The following NME5 variants were observed in gnomAD, a reference collection of about 807,000 sequenced individuals.
NME5 encodes the protein NME/NM23 family member 5, also known as nucleoside diphosphate kinase 5.
A neutral mutation model predicts 21.6 loss-of-function variants in NME5; 18 were observed. The ratio of observed to expected loss-of-function variants is 0.83; its 90% CI spans 0.58 to 1.24. The LOEUF (loss-of-function observed/expected upper bound fraction) is 1.24. NME5 is among the 50% of genes most tolerant of loss of function. The pLI, the probability that NME5 is intolerant of heterozygous loss-of-function variation, is 0.00. For synonymous variants in NME5, 70 were observed against 80.6 expected, an observed-to-expected ratio of 0.87 and a Z score of 0.71; for missense variants, 223 against 255.4, an observed-to-expected ratio of 0.87 and a Z score of 0.86.
chr5:138,123,514 G>T (rs1291132847), intron 4 of NME5, among the ~76,000 whole-genome samples: 6 of 151,998 alleles, frequency 3.9e-5, no homozygotes, highest in Non-Finnish European at 8.8e-5. Context: ...TGTCCTCCAG[G>T]TTCATCCATG....
intron 4 of NME5, among the ~76,000 whole-genome samples, chr5:138,122,441 T>TAAAAAAAAAAAAAAAAA (rs70979581): frequency 0.058 from 1,987 of 34,464 alleles, 78 homozygotes; most frequent in Non-Finnish European, 0.072. Context: ...ACTCTGTCTC[T>TAAAAAAAAAAAAAAAAA]AAAAAAAAAA....
At chr5:138,130,839 C>A (rs1289351943) in intron 2 of NME5, among the ~76,000 whole-genome samples, 1 of 151,818 alleles carries the variant, frequency 6.6e-6, no homozygotes, top group Non-Finnish European at 1.5e-5. Flanking sequence ...GGCAGGCCAA[C>A]AGCTTGAACC....
intron 2 of NME5, among the ~76,000 whole-genome samples, chr5:138,132,096 A>G (rs1028841715): frequency 1.3e-5 from 2 of 152,202 alleles, no homozygotes; most frequent in African/African-American, 4.8e-5. Context: ...TCGGTGGCTC[A>G]TGCCTCTAAT....
intron 2 of NME5, among the ~76,000 whole-genome samples, chr5:138,131,290 A>G (rs796722923): frequency 3.3e-5 from 5 of 150,144 alleles, no homozygotes; most frequent in African/African-American, 1.2e-4. Context: ...CTGAGGCAGG[A>G]GAATCACTTG....
chr5:138,139,311 C>G (rs922519688), intron 1 of NME5, 60 bp downstream of exon 1: 1 of 964,226 alleles, frequency 1.0e-6, no homozygotes, highest in African/African-American at 1.8e-5. Flanking sequence ...CCTCTAGGTC[C>G]GCGGGGACTT....
chr5:138,120,139 A>T (rs777350544), intron 4 of NME5, among the ~76,000 whole-genome samples: 7 of 148,146 alleles, frequency 4.7e-5, no homozygotes, highest in Non-Finnish European at 8.9e-5. Context: ...GGTGTCACTC[A>T]CGCTGGTCTC....
intron 2 of NME5, among the ~76,000 whole-genome samples, chr5:138,136,729 G>A (rs779493289): frequency 4.0e-5 from 6 of 151,454 alleles, no homozygotes; most frequent in East Asian, 1.9e-4. Flanking sequence ...GGCAACCTCC[G>A]CCTCCCATGT....
intron 2 of NME5, among the ~76,000 whole-genome samples, chr5:138,130,835 C>G (rs1335654998): frequency 1.3e-5 from 2 of 151,528 alleles, no homozygotes; most frequent in East Asian, 3.9e-4. Context: ...CTGAGGCAGG[C>G]CAACAGCTTG....
At chr5:138,129,818 C>G (rs1751518922) in intron 2 of NME5, among the ~76,000 whole-genome samples, 1 of 152,108 alleles carries the variant, frequency 6.6e-6, no homozygotes, top group South Asian at 2.1e-4. Flanking sequence ...ATTAGCCGGG[C>G]GGGCGGCATG....
intron 4 of NME5, among the ~76,000 whole-genome samples, chr5:138,123,528 TC>T (rs1751332854): frequency 6.6e-6 from 1 of 152,216 alleles, no homozygotes; most frequent in Admixed American, 6.5e-5. Flanking sequence ...ATCCATGTTG[TC>T]AAAAATGACA....
chr5:138,125,171 C>T (rs1751369912), intron 4 of NME5, among the ~76,000 whole-genome samples: 1 of 152,176 alleles, frequency 6.6e-6, no homozygotes. Flanking sequence ...ATTCTCCCGC[C>T]TCAGCCTCAC....
At chr5:138,131,732 G>A (rs1466554384) in intron 2 of NME5, among the ~76,000 whole-genome samples, 1 of 151,318 alleles carries the variant, frequency 6.6e-6, no homozygotes, top group Admixed American at 6.6e-5. Context: ...GCTATTTTGA[G>A]TGCTTTTTTT....
Position 138,118,848 on chromosome 5 carries a change from C to G in NME5, c.525G>C (p.Glu175Asp), listed in dbSNP as rs1435478734. ...IMPTLLEGLT[E>D]LCKQKPADPL... ...GATCTGCTGGTTTTTGCTTACAAAGCTCTGTGAGTCCTTCAAGCAGAGTTG... is the reference window on the plus strand; with the variant it reads ...GATCTGCTGGTTTTTGCTTACAAAGGTCTGTGAGTCCTTCAAGCAGAGTTG... The change falls in exon 5 of 6, where the codon GAG (glutamate) becomes GAC (aspartate). Residue 175 changes from glutamate (E) to aspartate (D), a missense_variant. Transcript: ENST00000265191. 1.9e-6 allele frequency: 3 copies of G among 1,612,462 alleles called. No individual in the cohort carries two copies. Among genetic ancestry groups the G allele is most frequent in the East Asian group, 4.5e-5 (2 of 44,860 alleles).
chr5:138,129,809 T>G (rs1048651745), intron 2 of NME5, among the ~76,000 whole-genome samples: 9 of 152,156 alleles, frequency 5.9e-5, no homozygotes, highest in Admixed American at 3.3e-4. Context: ...ATTCAAAAAA[T>G]TAGCCGGGCG....
At chr5:138,124,969 G>T (rs1353274269) in intron 4 of NME5, among the ~76,000 whole-genome samples, 1 of 152,060 alleles carries the variant, frequency 6.6e-6, no homozygotes, top group African/African-American at 2.4e-5. Context: ...TGTTGTCCAG[G>T]CTGGAGCACT....
chr5:138,124,911 T>A (rs1009713643), intron 4 of NME5, among the ~76,000 whole-genome samples: 1 of 152,160 alleles, frequency 6.6e-6, no homozygotes, highest in African/African-American at 2.4e-5. Context: ...TCTCTCATCC[T>A]TGTTTTATTT....
rs555036037 is a variant in NME5, at chr5:138,123,923, G to A, written c.436+4556C>T. On this transcript the variant is annotated intron_variant, in intron 4 of 5. Transcript: ENST00000265191. ...CTTTTGATAATAGCCATCCTAACGT[G>A]TGAGGTGATATCTCACCGTGGTTTT... Among the ~76,000 whole-genome samples, 60 of 146,704 alleles carry A rather than the reference G, an allele frequency of 4.1e-4. 1 individual carries two copies. Among genetic ancestry groups the A allele is most frequent in the Middle Eastern group, 3.7e-3 (1 of 270 alleles).
intron 2 of NME5, among the ~76,000 whole-genome samples, chr5:138,131,582 G>A (rs1751569138): frequency 6.6e-6 from 1 of 151,734 alleles, no homozygotes; most frequent in Non-Finnish European, 1.5e-5. Flanking sequence ...ATGCTAGTAT[G>A]TTTCTCAATC....
intron 2 of NME5, among the ~76,000 whole-genome samples, chr5:138,130,952 C>T (rs749212369): frequency 1.3e-5 from 2 of 150,268 alleles, no homozygotes; most frequent in East Asian, 4.0e-4. Flanking sequence ...AAAATTAGGT[C>T]GGGTGTGGTG....
Sources: gnomAD v4.1 joint callset for allele counts (sites outside exome capture counted in the v4.1 genomes callset) on GRCh38, gnomAD v4.1.1 for gene constraint, MANE v1.5 for transcripts, NCBI Gene and HGNC (gene_info 2026-07-23, HGNC 2026-07-21) for gene names.